CISD2: variants seen among roughly 807,000 people sequenced by gnomAD.
CISD2 encodes the protein CDGSH iron-sulfur domain-containing protein 2.
Under a neutral mutation model 12.9 loss-of-function variants are expected in CISD2, and 1 was observed. That is an observed-to-expected ratio of 0.08 (90% CI 0.03 to 0.37). The LOEUF is 0.37. Ranked by LOEUF, CISD2 falls within the 10% of genes least tolerant of loss-of-function variation. The pLI is 0.99. For synonymous variants in CISD2, 50 were observed against 60.6 expected (o/e 0.83, Z 0.81); for missense variants, 97 against 163.1 (o/e 0.59, Z 2.21).
chr4:102,885,522 G>C, intron 2 of CISD2, 92 bp downstream of exon 2: 1 of 979,398 alleles, frequency 1.0e-6, no homozygotes, highest in Non-Finnish European at 1.6e-6. Context: ...TTTAAGATGA[G>C]AGAATTTTCT....
rs35045951 is a variant in CISD2 at position 102,888,054 on chromosome 4, C to CTGTGTGTGTGTG, written c.*642_*653dup. On this transcript the variant is annotated 3_prime_UTR_variant, in exon 3 of 3. Coordinates refer to ENST00000273986, the MANE Select transcript of CISD2 (RefSeq NM_001008388.5). ...TGTTTACTTTACAAAAGGCTTGTGT[C>CTGTGTGTGTGTG]TGTGTGTGTGTGTGTGTGTGTGTGT... is the stretch of plus-strand genomic sequence containing the variant. The CTGTGTGTGTGTG allele has an allele frequency of 6.8e-6, 1 of 148,106 alleles. No homozygotes were observed. The highest frequency in any genetic ancestry group is 1.5e-5 in the Non-Finnish European group (1 of 66,938). 9.2% of individuals were successfully genotyped at this position (148,106 alleles called of 1,614,324 possible).
chr4:102,869,068 G>A lies in CISD2; in HGVS notation c.-17G>A. On this transcript the variant is annotated 5_prime_UTR_variant, in exon 1 of 3. Coordinates refer to ENST00000273986, the MANE Select transcript of CISD2 (RefSeq NM_001008388.5). Reference sequence around the variant, plus strand: ...AGCGGAGGGGGCTCGGGAGAGGAGTGGACGCCGCTGGCCAGGATGGTGCTG... The same window carrying A: ...AGCGGAGGGGGCTCGGGAGAGGAGTAGACGCCGCTGGCCAGGATGGTGCTG... 1 of 1,601,092 alleles carries A rather than the reference G, an allele frequency of 6.2e-7. No homozygotes were observed. Among genetic ancestry groups the A allele is most frequent in the South Asian group, 1.1e-5 (1 of 88,752 alleles).
rs560865252 is a variant in CISD2 at position 102,871,162 on chromosome 4, G to A, written c.103+1975G>A. The stretch of plus-strand genomic sequence containing the variant: ...TGGTGGCTGCATTTGTATTAGTTTC[G>A]ATTCTCTGTAAATCAAGTATAATTG... On this transcript the variant is annotated intron_variant, in intron 1 of 2. Coordinates refer to ENST00000273986, the MANE Select transcript of CISD2 (RefSeq NM_001008388.5). 1.2e-4 allele frequency among the ~76,000 whole-genome samples: 19 copies of A among 152,188 alleles called. No individual in the cohort carries two copies. The South Asian group carries it at 3.3e-3, about 27-fold the overall frequency.
At chr4:102,869,234 G>C in intron 1 of CISD2, 47 bp downstream of exon 1, 17 of 1,564,184 alleles carry the variant, frequency 1.1e-5, no homozygotes, top group Non-Finnish European at 1.4e-5. Flanking sequence ...CGTTCGCCAA[G>C]CGGGGGAAGG....
At position 102,891,683 on chromosome 4, in the gene CISD2, T is replaced by C. The variant is rs928305198; in HGVS notation, c.*4253T>C. ...TATCACAGGAAGTTTTCCCATTCAA[T>C]TGAAACATTTTTCAAGCTTAATGAC... is the stretch of plus-strand genomic sequence containing the variant. On this transcript the variant is annotated 3_prime_UTR_variant, in exon 3 of 3. Transcript: ENST00000273986. 1.3e-5 allele frequency: 2 copies of C among 152,246 alleles called. No individual in the cohort carries two copies. The highest frequency in any genetic ancestry group is 2.4e-5 in the African/African-American group (1 of 41,466). 9.4% of individuals were successfully genotyped at this position (152,246 alleles called of 1,614,324 possible).
At chr4:102,876,462 T>A (rs1193738963) in intron 1 of CISD2, among the ~76,000 whole-genome samples, 1 of 152,112 alleles carries the variant, frequency 6.6e-6, no homozygotes, top group Non-Finnish European at 1.5e-5. Flanking sequence ...AGGTAACTAC[T>A]CAAGAGGCCA....
chr4:102,875,681 G>A (rs1171420619), intron 1 of CISD2, among the ~76,000 whole-genome samples: 5 of 152,200 alleles, frequency 3.3e-5, no homozygotes, highest in Non-Finnish European at 7.4e-5. Context: ...GTTTATGTAA[G>A]TCTCTGTTAA....
chr4:102,869,268 G>C, intron 1 of CISD2, 81 bp downstream of exon 1: 1 of 1,524,136 alleles, frequency 6.6e-7, no homozygotes, highest in Non-Finnish European at 8.9e-7. Context: ...CTAGGGCCAA[G>C]GGGCGGGACG....
At chr4:102,879,366 G>A (rs7670621) in intron 1 of CISD2, among the ~76,000 whole-genome samples, 4 of 152,130 alleles carry the variant, frequency 2.6e-5, no homozygotes, top group Admixed American at 2.6e-4. Flanking sequence ...AAATCAGAAG[G>A]GGGGGATTGA....
At chr4:102,887,253 T>A in intron 2 of CISD2, 88 bp from the exon 3 acceptor site, 2 of 797,150 alleles carry the variant, frequency 2.5e-6, no homozygotes, top group South Asian at 3.0e-5. Context: ...GCAAGTGATA[T>A]GCTTTCTTTC....
chr4:102,882,173 G>A (rs961864638), intron 1 of CISD2, among the ~76,000 whole-genome samples: 4 of 152,016 alleles, frequency 2.6e-5, no homozygotes, highest in African/African-American at 4.8e-5. Flanking sequence ...CCTGGGCAAT[G>A]GAAGTGAAAC....
chr4:102,883,332 C>A (rs1250680675), intron 1 of CISD2, among the ~76,000 whole-genome samples: 1 of 152,146 alleles, frequency 6.6e-6, no homozygotes, highest in African/African-American at 2.4e-5. Flanking sequence ...TGCCCAGAAC[C>A]CACTGAAATT....
chr4:102,874,905 C>G (rs752592566), intron 1 of CISD2, among the ~76,000 whole-genome samples: 2 of 152,202 alleles, frequency 1.3e-5, no homozygotes, highest in Non-Finnish European at 2.9e-5. Flanking sequence ...CTAGCCCTCT[C>G]TGCTATTCCT....
chr4:102,877,819 C>G (rs6819283), intron 1 of CISD2, among the ~76,000 whole-genome samples: 2,463 of 152,318 alleles, frequency 0.016, 64 homozygotes, highest in African/African-American at 0.053. Flanking sequence ...TGGAAGCCAC[C>G]AAGGCTTGTG....
chr4:102,869,463 G>T, intron 1 of CISD2: 1 of 702,870 alleles, frequency 1.4e-6, no homozygotes. Flanking sequence ...AAGGTGCTGA[G>T]TTGGGAACAG....
intron 1 of CISD2, among the ~76,000 whole-genome samples, chr4:102,879,371 G>T (rs1383286104): frequency 6.6e-6 from 1 of 152,072 alleles, no homozygotes; most frequent in African/African-American, 2.4e-5. Flanking sequence ...AGAAGGGGGG[G>T]ATTGATTGGG....
At chr4:102,883,747 A>G (rs989641788) in intron 1 of CISD2, among the ~76,000 whole-genome samples, 4 of 152,244 alleles carry the variant, frequency 2.6e-5, no homozygotes, top group African/African-American at 9.6e-5. Flanking sequence ...CAAAGTTCAT[A>G]CTTTTACAGA....
chr4:102,881,914 A>C (rs1329614057), intron 1 of CISD2, among the ~76,000 whole-genome samples: 1 of 152,168 alleles, frequency 6.6e-6, no homozygotes, highest in African/African-American at 2.4e-5. Context: ...GTTTTCAACC[A>C]GGCATGGTGG....
chr4:102,871,026 T>G (rs1301950179), intron 1 of CISD2, among the ~76,000 whole-genome samples: 1 of 152,224 alleles, frequency 6.6e-6, no homozygotes. Flanking sequence ...TGTACCCTTT[T>G]GTCATTTTGA....
Sources: gnomAD v4.1 joint callset for allele counts (sites outside exome capture counted in the v4.1 genomes callset) on GRCh38, gnomAD v4.1.1 for gene constraint, MANE v1.5 for transcripts, NCBI Gene and HGNC (gene_info 2026-07-23, HGNC 2026-07-21) for gene names.